BICRAL: variants seen among roughly 807,000 people sequenced by gnomAD.
The protein encoded by BICRAL is BRD4-interacting chromatin-remodeling complex-associated protein-like.
A neutral mutation model predicts 91.8 loss-of-function variants in BICRAL; 8 were observed. That is an observed-to-expected ratio of 0.09 (90% confidence interval 0.05 to 0.16). The LOEUF (loss-of-function observed/expected upper bound fraction) is 0.16, where lower values mean the gene tolerates loss of function less well. Among genes scored for constraint, BICRAL ranks in the 10% least tolerant of loss-of-function variants. The pLI is 1.00. For synonymous variants in BICRAL, 445 were observed against 491.1 expected (o/e 0.91, Z 1.24); for missense variants, 1,038 against 1,310.9 (o/e 0.79, Z 3.21).
At chr6:42,859,698 G>A (rs111648374) in intron 10 of BICRAL, among the ~76,000 whole-genome samples, 1 of 151,988 alleles carries the variant, frequency 6.6e-6, no homozygotes, top group Non-Finnish European at 1.5e-5. Context: ...CTGGAGTGCA[G>A]TGGCACGATC....
chr6:42,800,859 T>C (rs181020206), intron 1 of BICRAL, among the ~76,000 whole-genome samples: 1 of 152,334 alleles, frequency 6.6e-6, no homozygotes, highest in Admixed American at 6.5e-5. Context: ...GAACATGCTA[T>C]AAAACCAAAA....
rs75754141 is a variant in BICRAL, at chr6:42,758,367, C to T, written c.-261+11344C>T. ...AATGCTGGGCCTCTTGCATCTGGCC[C>T]GCGGTGTACCTCACCAGCCTCATGT... On this transcript the variant is annotated intron_variant, in intron 1 of 14. Transcript: ENST00000614467. Among the ~76,000 whole-genome samples, 917 of 152,276 alleles carry T rather than the reference C, an allele frequency of 6.0e-3. 7 individuals carry two copies. Among genetic ancestry groups the T allele is most frequent in the East Asian group, 0.049 (254 of 5,182 alleles).
At chr6:42,826,352 A>C (rs572013030) in intron 5 of BICRAL, among the ~76,000 whole-genome samples, 178 of 150,152 alleles carry the variant, frequency 1.2e-3, no homozygotes, top group Admixed American at 3.2e-3. Context: ...CTCCTGCCTC[A>C]GTCTCCTGAG....
chr6:42,820,886 T>C (rs1230945838), intron 2 of BICRAL, among the ~76,000 whole-genome samples: 1 of 152,226 alleles, frequency 6.6e-6, no homozygotes, highest in Non-Finnish European at 1.5e-5. Flanking sequence ...AGACTCTTCC[T>C]GAGGAAAGCA....
intron 1 of BICRAL, among the ~76,000 whole-genome samples, chr6:42,757,626 A>C (rs1762482702): frequency 6.6e-6 from 1 of 152,186 alleles, no homozygotes; most frequent in South Asian, 2.1e-4. Context: ...GCCTCAAGTG[A>C]TCTGTCTGCC....
chr6:42,809,227 T>C (rs1177792434), intron 1 of BICRAL, among the ~76,000 whole-genome samples: 1 of 151,500 alleles, frequency 6.6e-6, no homozygotes, highest in African/African-American at 2.4e-5. Context: ...CCGAGAATGA[T>C]GGTTTCCAGC....
intron 1 of BICRAL, among the ~76,000 whole-genome samples, chr6:42,769,496 G>A (rs1035625486): frequency 1.3e-5 from 2 of 152,130 alleles, no homozygotes; most frequent in Non-Finnish European, 2.9e-5. Flanking sequence ...GCTTGCTAGG[G>A]GCCATCTTGG....
At chr6:42,851,507 AT>A in intron 6 of BICRAL, among the ~76,000 whole-genome samples, 1 of 152,242 alleles carries the variant, frequency 6.6e-6, no homozygotes, top group Non-Finnish European at 1.5e-5. Flanking sequence ...AATTTTTCTA[AT>A]TATATTTTGC....
intron 2 of BICRAL, among the ~76,000 whole-genome samples, chr6:42,814,296 G>A (rs1373128303): frequency 4.3e-5 from 6 of 138,496 alleles, no homozygotes; most frequent in African/African-American, 1.4e-4. Context: ...GTGCAGTGGC[G>A]TGATCTCAGC....
In BICRAL at chr6:42,851,088, G is replaced by A. The variant is rs867907878; in HGVS notation, c.1840-1004G>A. 3.9e-5 allele frequency among the ~76,000 whole-genome samples: 6 copies of A among 152,176 alleles called. No homozygotes were observed. The South Asian group carries it at 1.0e-3, about 26-fold the overall frequency. Reference sequence around the variant, plus strand: ...TAATCCCAGCTACTCAGGAGGCTGAGGCAGGAGAATCCATTGAACTTGGGA... The same window carrying A: ...TAATCCCAGCTACTCAGGAGGCTGAAGCAGGAGAATCCATTGAACTTGGGA... On this transcript the variant is annotated intron_variant, in intron 6 of 12. Coordinates refer to ENST00000314073, the MANE Select transcript of BICRAL (RefSeq NM_001393499.1).
chr6:42,808,462 A>T (rs1469966380), intron 1 of BICRAL, among the ~76,000 whole-genome samples: 1 of 152,264 alleles, frequency 6.6e-6, no homozygotes, highest in African/African-American at 2.4e-5. Context: ...CCCTATATGT[A>T]TACCTATTCT....
chr6:42,793,744 G>A (rs751024255), intron 1 of BICRAL, among the ~76,000 whole-genome samples: 1 of 150,058 alleles, frequency 6.7e-6, no homozygotes, highest in Non-Finnish European at 1.5e-5. Flanking sequence ...CTACTTCTAT[G>A]CGTAGGCCTC....
At chr6:42,850,220 A>G (rs1582871832) in intron 6 of BICRAL, among the ~76,000 whole-genome samples, 1 of 151,746 alleles carries the variant, frequency 6.6e-6, no homozygotes, top group African/African-American at 2.4e-5. Context: ...GATAGTATAA[A>G]TAATATAAAA....
In BICRAL at chr6:42,828,483, A is replaced by AC; in HGVS notation, c.160-10_160-9insC. On this transcript the variant is annotated splice_polypyrimidine_tract_variant and intron_variant, in intron 5 of 12. Coordinates refer to ENST00000314073, the MANE Select transcript of BICRAL (RefSeq NM_001393499.1). Reference sequence around the variant, plus strand: ...ACATATGCCATGTAACATACTGTTTATTTTTTTAGAATGCTGATCCTAAGT... The same window carrying AC: ...ACATATGCCATGTAACATACTGTTTACTTTTTTTAGAATGCTGATCCTAAGT... 1.0e-5 allele frequency: 16 copies of AC among 1,598,954 alleles called. No individual in the cohort carries two copies. The highest frequency in any genetic ancestry group is 1.4e-5 in the Non-Finnish European group (16 of 1,173,552).
At chr6:42,783,421 A>G (rs1308425553) in intron 1 of BICRAL, among the ~76,000 whole-genome samples, 2 of 151,922 alleles carry the variant, frequency 1.3e-5, no homozygotes, top group Non-Finnish European at 2.9e-5. Context: ...CAAATGCGGG[A>G]TATTGGGTGG....
At chr6:42,757,617 C>T (rs1762482578) in intron 1 of BICRAL, among the ~76,000 whole-genome samples, 1 of 152,038 alleles carries the variant, frequency 6.6e-6, no homozygotes, top group Non-Finnish European at 1.5e-5. Flanking sequence ...GAACTCCTGG[C>T]CTCAAGTGAT....
intron 1 of BICRAL, among the ~76,000 whole-genome samples, chr6:42,769,054 T>G (rs1762681396): frequency 6.6e-6 from 1 of 152,222 alleles, no homozygotes; most frequent in Non-Finnish European, 1.5e-5. Flanking sequence ...CACCCTAAAA[T>G]GTAGCAGCTT....
At position 42,766,812 on chromosome 6, in the gene BICRAL, G is replaced by A. The variant is rs555144415; in HGVS notation, c.-260-15027G>A. On this transcript the variant is annotated intron_variant, in intron 1 of 14. Coordinates refer to the BICRAL transcript ENST00000614467. Reference sequence around the variant, plus strand: ...TCCCAGCACTTTGGGAGGCCAAGGCGGGCGGATCATGAGGTCAGGAGATCG... The same window carrying A: ...TCCCAGCACTTTGGGAGGCCAAGGCAGGCGGATCATGAGGTCAGGAGATCG... 1.3e-3 allele frequency among the ~76,000 whole-genome samples: 198 copies of A among 152,224 alleles called. 1 individual carries two copies. The highest frequency in any genetic ancestry group is 4.5e-3 in the African/African-American group (188 of 41,526).
chr6:42,825,296 G>A (rs1180651115), intron 5 of BICRAL, among the ~76,000 whole-genome samples: 1 of 148,560 alleles, frequency 6.7e-6, no homozygotes, highest in African/African-American at 2.5e-5. Context: ...TGGGCGCGGT[G>A]GCTCACGCCT....
Sources: gnomAD v4.1 joint callset for allele counts (sites outside exome capture counted in the v4.1 genomes callset) on GRCh38, gnomAD v4.1.1 for gene constraint, MANE v1.5 for transcripts, NCBI Gene and HGNC (gene_info 2026-07-23, HGNC 2026-07-21) for gene names.